Variants in PDE4D observed in about 807,000 individuals in gnomAD.
The protein encoded by PDE4D is phosphodiesterase 4D, also known as 3',5'-cyclic-AMP phosphodiesterase 4D.
Under a neutral mutation model 87.4 loss-of-function variants are expected in PDE4D, and 24 were observed. The ratio of observed to expected loss-of-function variants is 0.27; its 90% confidence interval spans 0.20 to 0.39. PDE4D has a LOEUF of 0.39. Among genes scored for constraint, PDE4D ranks in the 10% least tolerant of loss-of-function variants. PDE4D has a pLI of 1.00. For synonymous variants in PDE4D, 384 were observed against 383.2 expected (o/e 1.00, Z -0.02); for missense variants, 714 against 1,041.0 (o/e 0.69, Z 4.32).
intron 2 of PDE4D, among the ~76,000 whole-genome samples, chr5:59,996,922 T>C (rs866392280): frequency 5.3e-5 from 8 of 152,316 alleles, no homozygotes; most frequent in African/African-American, 1.7e-4. Context: ...GATTTCATAC[T>C]GATTAGAAGA....
At chr5:60,126,114 G>T (rs1419241792) in intron 2 of PDE4D, among the ~76,000 whole-genome samples, 1 of 150,630 alleles carries the variant, frequency 6.6e-6, no homozygotes. Flanking sequence ...AAAGCTTCAA[G>T]AACAGCCTAA....
chr5:59,380,852 A>G (rs1785669053), intron 1 of PDE4D, among the ~76,000 whole-genome samples: 1 of 152,160 alleles, frequency 6.6e-6, no homozygotes, highest in African/African-American at 2.4e-5. Context: ...AAACTACCAC[A>G]GAGCAAATCC....
chr5:59,912,356 C>T (rs1214066516), intron 3 of PDE4D, among the ~76,000 whole-genome samples: 3 of 152,108 alleles, frequency 2.0e-5, no homozygotes, highest in Non-Finnish European at 4.4e-5. Flanking sequence ...GAAAATATTT[C>T]CCGGGAAGGA....
chr5:59,131,116 T>C (rs1776193060), intron 5 of PDE4D, among the ~76,000 whole-genome samples: 1 of 152,182 alleles, frequency 6.6e-6, no homozygotes, highest in Non-Finnish European at 1.5e-5. Flanking sequence ...AAAAGATGCC[T>C]TAAATATACA....
chr5:60,160,921 A>G, intron 2 of PDE4D: 1 of 379,464 alleles, frequency 2.6e-6, no homozygotes, highest in South Asian at 2.0e-5. Flanking sequence ...AAACATCTTA[A>G]ATTTATAAGT....
At chr5:59,113,716 G>A (rs755624173) in intron 5 of PDE4D, among the ~76,000 whole-genome samples, 8 of 152,176 alleles carry the variant, frequency 5.3e-5, no homozygotes, top group Non-Finnish European at 7.3e-5. Flanking sequence ...GACTGCCAAA[G>A]GTGGACTCCT....
chr5:59,865,579 G>C (rs762064194), intron 1 of PDE4D, among the ~76,000 whole-genome samples: 1 of 152,106 alleles, frequency 6.6e-6, no homozygotes, highest in Non-Finnish European at 1.5e-5. Context: ...ATAATATTCT[G>C]ACTAAAGCTT....
intron 1 of PDE4D, among the ~76,000 whole-genome samples, chr5:59,703,927 G>A (rs746628205): frequency 6.6e-6 from 1 of 152,150 alleles, no homozygotes; most frequent in Non-Finnish European, 1.5e-5. Flanking sequence ...CTGGGAAGAA[G>A]GAGAAGGAGT....
At chr5:59,660,281 T>C (rs1378494277) in intron 1 of PDE4D, among the ~76,000 whole-genome samples, 1 of 152,182 alleles carries the variant, frequency 6.6e-6, no homozygotes, top group Admixed American at 6.5e-5. Flanking sequence ...AAGGTAATAG[T>C]ATTTTATTCT....
At chr5:60,362,065 T>C (rs1184262109) in intron 1 of PDE4D, among the ~76,000 whole-genome samples, 1 of 152,248 alleles carries the variant, frequency 6.6e-6, no homozygotes, top group Admixed American at 6.5e-5. Flanking sequence ...CTCTGCTTTC[T>C]GCTGAAGCTT....
rs577917504 is a variant in PDE4D, at chr5:60,002,645, T to A, written c.43-13928A>T. ...AAATCAAAAAATGTAATATACCGAA[T>A]GAACACAATGAAAGATAAAGATCAT... is the stretch of plus-strand genomic sequence containing the variant. On this transcript the variant is annotated intron_variant, in intron 2 of 16. Transcript: ENST00000502484. Among the ~76,000 whole-genome samples the A allele has an allele frequency of 2.6e-5, 4 of 152,246 alleles. No homozygotes were observed. The South Asian group carries it at 8.3e-4, about 32-fold the overall frequency.
intron 1 of PDE4D, among the ~76,000 whole-genome samples, chr5:59,386,109 C>T (rs1350792158): frequency 6.6e-6 from 1 of 152,138 alleles, no homozygotes; most frequent in Non-Finnish European, 1.5e-5. Flanking sequence ...TTTTAAATTC[C>T]TCCATTTAAT....
At chr5:60,041,316 G>GA (rs201522819) in intron 2 of PDE4D, among the ~76,000 whole-genome samples, 197 of 151,056 alleles carry the variant, frequency 1.3e-3, no homozygotes, top group Non-Finnish European at 2.2e-3. Flanking sequence ...TTTCTCTTGA[G>GA]AAAAAAAAAT....
At chr5:59,114,449 T>G (rs1337500678) in intron 5 of PDE4D, among the ~76,000 whole-genome samples, 1 of 152,196 alleles carries the variant, frequency 6.6e-6, no homozygotes, top group Admixed American at 6.5e-5. Flanking sequence ...ATGAAGAATT[T>G]TATAAACCCA....
In PDE4D at chr5:59,668,647, G is replaced by A. The variant is rs576808564; in HGVS notation, c.455+224521C>T. On this transcript the variant is annotated intron_variant, in intron 1 of 14. Transcript: ENST00000340635. Reference sequence around the variant, plus strand: ...CACTTCGGTCCAGGAGTTTGGGGCTGCAGTGAGCCATGATTGCACCACTGC... The same window carrying A: ...CACTTCGGTCCAGGAGTTTGGGGCTACAGTGAGCCATGATTGCACCACTGC... Among the ~76,000 whole-genome samples the A allele has an allele frequency of 4.0e-5, 6 of 151,812 alleles. No individual in the cohort carries two copies. In the South Asian group the frequency reaches 1.2e-3, roughly 32 times the overall value.
chr5:60,366,701 G>A (rs1361749014), intron 1 of PDE4D, among the ~76,000 whole-genome samples: 1 of 152,168 alleles, frequency 6.6e-6, no homozygotes. Flanking sequence ...TGTGGCTGCC[G>A]TTCTGCACTT....
At chr5:60,090,766 A>T (rs1206141928) in intron 2 of PDE4D, among the ~76,000 whole-genome samples, 1 of 152,346 alleles carries the variant, frequency 6.6e-6, no homozygotes, top group Middle Eastern at 3.4e-3. Context: ...ATGATCCTAT[A>T]TTTAGGAAAA....
chr5:59,077,747 A>G (rs1022634267), intron 5 of PDE4D, among the ~76,000 whole-genome samples: 12 of 152,166 alleles, frequency 7.9e-5, no homozygotes, highest in African/African-American at 2.9e-4. Context: ...GGTCTGCTGC[A>G]AGGATACACA....
At chr5:59,900,654 A>G (rs532683452) in intron 3 of PDE4D, among the ~76,000 whole-genome samples, 18 of 152,328 alleles carry the variant, frequency 1.2e-4, no homozygotes, top group Non-Finnish European at 2.5e-4. Context: ...AGACCTGAAG[A>G]ATGATTACTC....
Sources: gnomAD v4.1 joint callset for allele counts (sites outside exome capture counted in the v4.1 genomes callset) on GRCh38, gnomAD v4.1.1 for gene constraint, MANE v1.5 for transcripts, NCBI Gene and HGNC (gene_info 2026-07-23, HGNC 2026-07-21) for gene names.